TST: variants seen among roughly 807,000 people sequenced by gnomAD.
The protein encoded by TST is thiosulfate sulfurtransferase.
Under a neutral mutation model 20.4 loss-of-function variants are expected in TST, and 22 were observed. The observed-to-expected ratio is 1.08, with a 90% CI of 0.77 to 1.54. The LOEUF (loss-of-function observed/expected upper bound fraction) is 1.54, where lower values mean the gene tolerates loss of function less well. Among genes scored for constraint, TST ranks in the 40% most tolerant of loss-of-function variants. The pLI is 0.00. For missense variants in TST, 392 were observed against 405.2 expected, an observed-to-expected ratio of 0.97 and a Z score of 0.28; for synonymous variants, 187 against 173.8, an observed-to-expected ratio of 1.08 and a Z score of -0.60.
At chr22:37,016,175 G>A (rs565147282) in intron 2 of TST, among the ~76,000 whole-genome samples, 8 of 151,696 alleles carry the variant, frequency 5.3e-5, no homozygotes, top group Middle Eastern at 3.4e-3. Flanking sequence ...TCGAACTCCC[G>A]AGCTCATGAT....
chr22:37,012,884 T>A (rs1922531261), intron 2 of TST, among the ~76,000 whole-genome samples: 1 of 151,958 alleles, frequency 6.6e-6, no homozygotes, highest in African/African-American at 2.4e-5. Context: ...CTACTAAAGA[T>A]ATAAAAAATT....
rs1922692990 is a variant in TST at position 37,016,690 on chromosome 22, G to A, written c.595+1448C>T. Reference sequence around the variant, plus strand: ...AGGAGAAGAGGCGTCTTGAACCAAGGCCAGGAGAGGGCTGCAGGCGTTCCC... The same window carrying A: ...AGGAGAAGAGGCGTCTTGAACCAAGACCAGGAGAGGGCTGCAGGCGTTCCC... On this transcript the variant is annotated intron_variant, in intron 2 of 2. Transcript: ENST00000249042. Among the ~76,000 whole-genome samples the A allele has an allele frequency of 3.3e-5, 5 of 152,254 alleles. No individual in the cohort carries two copies. In the South Asian group the frequency reaches 1.0e-3, roughly 32 times the overall value.
At chr22:37,013,810 T>A (rs1922569257) in intron 2 of TST, among the ~76,000 whole-genome samples, 1 of 149,440 alleles carries the variant, frequency 6.7e-6, no homozygotes, top group African/African-American at 2.5e-5. Context: ...GTGGGCTGGA[T>A]TGAAGTGCAT....
rs201928797 is a variant in TST, at chr22:37,018,242, G to A, written c.491C>T (p.Thr164Ile). 124 of 1,613,902 alleles carry A rather than the reference G, an allele frequency of 7.7e-5. No individual in the cohort carries two copies. Among genetic ancestry groups the A allele is most frequent in the Admixed American group, 6.3e-4 (38 of 60,000 alleles). ...AAGGTTCTCCAGCACCTGCTCGTAG[G>A]TCTTGAGCAGGGAGCGGTCCAGTGT... The part of the protein sequence containing the change: ...KATLDRSLLK[T>I]YEQVLENLES... Residue 164 changes from threonine to isoleucine, a missense_variant, in exon 2 of 3, where the codon ACC becomes ATC. Thr to Ile is a moderately conservative substitution (Grantham distance 89). Coordinates refer to ENST00000249042, the MANE Select transcript of TST (RefSeq NM_003312.6).
intron 2 of TST, among the ~76,000 whole-genome samples, chr22:37,016,031 C>A (rs575258817): frequency 6.7e-6 from 1 of 150,032 alleles, no homozygotes; most frequent in Non-Finnish European, 1.5e-5. Context: ...GCAACCTCCA[C>A]CTCCCGGGTT....
Position 37,016,482 on chromosome 22 carries a change from C to T in TST, c.595+1656G>A, listed in dbSNP as rs367773815. 9.2e-5 allele frequency among the ~76,000 whole-genome samples: 14 copies of T among 152,234 alleles called. No homozygotes were observed. In the East Asian group the frequency reaches 2.1e-3, roughly 23 times the overall value. On this transcript the variant is annotated intron_variant, in intron 2 of 2. Transcript: ENST00000249042. ...CATCCCGGGCCTTCAGGAGGCATTA[C>T]CCACTGCAGGCCATTCTCCTCCTCT... is the stretch of plus-strand genomic sequence containing the variant.
intron 2 of TST, among the ~76,000 whole-genome samples, chr22:37,016,204 C>T (rs1353492318): frequency 6.6e-6 from 1 of 151,964 alleles, no homozygotes; most frequent in Non-Finnish European, 1.5e-5. Context: ...CTTGGTCTCC[C>T]AAGGTGCTGG....
chr22:37,018,805 G>T, intron 1 of TST, 52 bp from the exon 2 acceptor site: 1 of 1,307,788 alleles, frequency 7.6e-7, no homozygotes, highest in Non-Finnish European at 1.0e-6. Context: ...AAGGAAGTCG[G>T]TGTGTGCAGT....
Position 37,018,277 on chromosome 22 carries a change from G to A in TST, c.456C>T (p.Val152=). 1 of 1,614,122 alleles carries A rather than the reference G, an allele frequency of 6.2e-7. No homozygotes were observed. The highest frequency in any genetic ancestry group is 1.7e-5 in the Admixed American group (1 of 60,020). The change falls in exon 2 of 3, where the codon GTC becomes GTT. Residue 152 remains valine (V), a synonymous_variant. Transcript: ENST00000249042. ...GGGAGCGGTCCAGTGTGGCTTTGAA[G>A]ACGGCCGGTTCTGGGCGTGAGGGCT... ...TSEPSRPEPA[V]FKATLDRSLL... is the part of the protein sequence containing the mutation.
At position 37,018,625 on chromosome 22, in the gene TST, C is replaced by A; in HGVS notation, c.108G>T (p.Trp36Cys). Residue 36 changes from tryptophan (W) to cysteine (C), a missense_variant, in exon 2 of 3, where the codon TGG becomes TGT. By Grantham distance (215) the Trp-to-Cys change is radical (BLOSUM62 -2). Transcript: ENST00000249042. ...GPGLRVLDAS[W>C]YSPGTREARK... ...GGGCCTCTCGGGTGCCTGGTGAGTA[C>A]CAGGACGCGTCCAGCACCCGCAGGC... 3.8e-6 allele frequency: 6 copies of A among 1,572,296 alleles called. No homozygotes were observed. The highest frequency in any genetic ancestry group is 4.3e-6 in the Non-Finnish European group (5 of 1,159,356).
In TST at chr22:37,018,328, C is replaced by G. The variant is rs1922780744; in HGVS notation, c.405G>C (p.Leu135=). The stretch of plus-strand genomic sequence containing the variant: ...CGGATGTCACCGGGTGGCCCTCCTT[C>G]AGCCAGTTCCGGAAGCCACCATTGA... ...SVLNGGFRNW[L]KEGHPVTSEP... Residue 135 remains leucine, a synonymous_variant, in exon 2 of 3, where the codon CTG becomes CTC. Transcript: ENST00000249042. 6.2e-7 allele frequency: 1 copy of G among 1,613,986 alleles called. No individual in the cohort carries two copies. Among genetic ancestry groups the G allele is most frequent in the Non-Finnish European group, 8.5e-7 (1 of 1,180,022 alleles).
chr22:37,013,616 A>T (rs905749970), intron 2 of TST, among the ~76,000 whole-genome samples: 5 of 152,168 alleles, frequency 3.3e-5, no homozygotes, highest in East Asian at 3.8e-4. Context: ...ATAATGAATT[A>T]AAAAAGGAAG....
intron 2 of TST, 85 bp downstream of exon 2, chr22:37,018,053 C>A: frequency 1.8e-6 from 2 of 1,087,542 alleles, no homozygotes; most frequent in Non-Finnish European, 2.6e-6. Flanking sequence ...TGGGACGGAC[C>A]CTGGAGAGGG....
At chr22:37,019,163 G>A (rs1464551529) in intron 1 of TST, 4 of 161,410 alleles carry the variant, frequency 2.5e-5, no homozygotes, top group Non-Finnish European at 5.4e-5. Context: ...GTGGGCGCAC[G>A]GCTAGGAAGC....
chr22:37,010,993 G>T lies in TST; in HGVS notation c.*34C>A, dbSNP rs187167800. ...CTGTAAGTCATGGGGTCACTAAACC[G>T]GCCGCAGTTACAGTAAGCAGAAGAG... On this transcript the variant is annotated 3_prime_UTR_variant, in exon 3 of 3. Transcript: ENST00000249042. 1.3e-6 allele frequency: 2 copies of T among 1,579,604 alleles called. No homozygotes were observed. Among genetic ancestry groups the T allele is most frequent in the African/African-American group, 1.3e-5 (1 of 74,196 alleles).
In TST at chr22:37,018,223, C is replaced by T. The variant is rs756901355; in HGVS notation, c.510G>A (p.Glu170=). The T allele has an allele frequency of 1.2e-6, 2 of 1,613,762 alleles. No individual in the cohort carries two copies. Among genetic ancestry groups the T allele is most frequent in the Non-Finnish European group, 1.7e-6 (2 of 1,179,926 alleles). The change falls in exon 2 of 3, where the codon GAG becomes GAA. Residue 170 remains glutamate, a synonymous_variant. Coordinates refer to ENST00000249042, the MANE Select transcript of TST (RefSeq NM_003312.6). ...GCTGGAACCTCTTAGATTCAAGGTT[C>T]TCCAGCACCTGCTCGTAGGTCTTGA... The part of the protein sequence containing the change: ...SLLKTYEQVL[E]NLESKRFQLV...
chr22:37,018,497 G>A lies in TST; in HGVS notation c.236C>T (p.Ala79Val), dbSNP rs1399046235. 1 of 1,606,532 alleles carries A rather than the reference G, an allele frequency of 6.2e-7. No homozygotes were observed. Among genetic ancestry groups the A allele is most frequent in the Non-Finnish European group, 8.5e-7 (1 of 1,176,186 alleles). ...SPYEMMLPSE[A>V]GFAEYVGRLG... ...GCGGCCCACATACTCGGCGAAGCCA[G>A]CCTCGCTGGGCAGCATCATCTCGTA... is the stretch of plus-strand genomic sequence containing the variant. The change falls in exon 2 of 3, where the codon GCT (alanine) becomes GTT (valine). Residue 79 changes from alanine to valine, a missense_variant. Transcript: ENST00000249042.
Position 37,018,470 on chromosome 22 carries a change from A to T in TST, c.263T>A (p.Leu88Gln). The T allele has an allele frequency of 2.5e-6, 4 of 1,612,136 alleles. No homozygotes were observed. In the South Asian group the frequency reaches 4.4e-5, roughly 18 times the overall value. Residue 88 changes from leucine (L) to glutamine (Q), a missense_variant, in exon 2 of 3, where the codon CTG becomes CAG. Physicochemically the swap from Leu to Gln is moderately radical, Grantham distance 113. Coordinates refer to ENST00000249042, the MANE Select transcript of TST (RefSeq NM_003312.6). ...EAGFAEYVGR[L>Q]GISNHTHVVV... is the part of the protein sequence containing the mutation. ...CACGTGCGTGTGGTTGCTGATGCCC[A>T]GGCGGCCCACATACTCGGCGAAGCC...
In TST at chr22:37,016,006, C is replaced by T. The variant is rs556687798; in HGVS notation, c.595+2132G>A. Among the ~76,000 whole-genome samples, 14 of 137,562 alleles carry T rather than the reference C, an allele frequency of 1.0e-4. No individual in the cohort carries two copies. The East Asian group carries it at 2.1e-3, about 21-fold the overall frequency. The allele number at this position is 137,562 out of a possible 152,430, so 90.2% of individuals were successfully genotyped here. A position where few individuals can be genotyped will look rare whatever the true frequency, so the allele number is the denominator to read the frequency against. On this transcript the variant is annotated intron_variant, in intron 2 of 2. Coordinates refer to ENST00000249042, the MANE Select transcript of TST (RefSeq NM_003312.6). ...TTGCCCAGGCTGGAGTGCAGTGGCG[C>T]GATCTTGGCTCACTGCAACCTCCAC...
Sources: gnomAD v4.1 joint callset for allele counts (sites outside exome capture counted in the v4.1 genomes callset) on GRCh38, gnomAD v4.1.1 for gene constraint, MANE v1.5 for transcripts, NCBI Gene and HGNC (gene_info 2026-07-23, HGNC 2026-07-21) for gene names.